The following PCDH15 variants were observed in gnomAD, a reference collection of about 807,000 sequenced individuals.
The protein encoded by PCDH15 is protocadherin-15.
In PCDH15, 129 loss-of-function variants were observed where a neutral mutation model predicts 178.5. The ratio of observed to expected loss-of-function variants is 0.72; its 90% CI spans 0.63 to 0.84. PCDH15 has a LOEUF of 0.84. Among genes scored for constraint, PCDH15 ranks in the 40% least tolerant of loss-of-function variants. The pLI, the probability that PCDH15 is intolerant of heterozygous loss-of-function variation, is 0.00. For missense variants in PCDH15, 2,230 were observed against 2,099.9 expected (o/e 1.06, Z -1.21); for synonymous variants, 800 against 732.0 (o/e 1.09, Z -1.50).
intron 2 of PCDH15, among the ~76,000 whole-genome samples, chr10:55,466,798 C>A (rs552261930): frequency 4.6e-5 from 7 of 152,306 alleles, no homozygotes; most frequent in African/African-American, 1.4e-4. Context: ...CCTTTTTCCA[C>A]TCTTATTCTC....
chr10:55,383,716 T>G (rs1019553254), intron 2 of PCDH15, among the ~76,000 whole-genome samples: 2 of 152,180 alleles, frequency 1.3e-5, no homozygotes, highest in Admixed American at 1.3e-4. Flanking sequence ...TATGTATCTC[T>G]TGTTGCCTTG....
chr10:53,812,010 GA>G (rs1052778423), intron 35 of PCDH15, among the ~76,000 whole-genome samples: 1 of 152,014 alleles, frequency 6.6e-6, no homozygotes, highest in Non-Finnish European at 1.5e-5. Context: ...TTGGCCTTAA[GA>G]AAAATTATAA....
At chr10:54,195,939 C>A in intron 10 of PCDH15, 50 bp from the exon 11 acceptor site, 1 of 1,543,754 alleles carries the variant, frequency 6.5e-7, no homozygotes, top group Non-Finnish European at 8.9e-7. Context: ...GTCGTGCTAT[C>A]TTTTTGGAGT....
intron 26 of PCDH15, among the ~76,000 whole-genome samples, chr10:53,897,592 T>C (rs1210595400): frequency 1.2e-5 from 1 of 85,836 alleles, no homozygotes; most frequent in South Asian, 6.3e-4. Flanking sequence ...TGACATTAAG[T>C]GTATTCACAT....
intron 29 of PCDH15, among the ~76,000 whole-genome samples, chr10:53,834,167 C>T (rs566397283): frequency 6.6e-6 from 1 of 152,040 alleles, no homozygotes; most frequent in Non-Finnish European, 1.5e-5. Flanking sequence ...GGGGAAGGCA[C>T]TTTAGATTAA....
chr10:53,969,980 T>C (rs1184089093), intron 21 of PCDH15, among the ~76,000 whole-genome samples: 2 of 152,142 alleles, frequency 1.3e-5, no homozygotes, highest in African/African-American at 4.8e-5. Flanking sequence ...GCTAAGATCA[T>C]AATGACAGGA....
intron 2 of PCDH15, among the ~76,000 whole-genome samples, chr10:54,561,768 G>C (rs1334488277): frequency 6.6e-6 from 1 of 151,592 alleles, no homozygotes; most frequent in East Asian, 1.9e-4. Flanking sequence ...TCAGTCTTTA[G>C]TCAACAATTC....
At chr10:55,561,877 T>C (rs1166187942) in intron 2 of PCDH15, among the ~76,000 whole-genome samples, 1 of 151,944 alleles carries the variant, frequency 6.6e-6, no homozygotes, top group African/African-American at 2.4e-5. Context: ...CATTTGCTAG[T>C]AATAGAGACT....
intron 1 of PCDH15, among the ~76,000 whole-genome samples, chr10:55,278,036 C>T (rs2132254292): frequency 6.6e-6 from 1 of 152,102 alleles, no homozygotes; most frequent in African/African-American, 2.4e-5. Context: ...TAAAAAAAGC[C>T]TTGTGGTACT....
At chr10:54,309,175 G>A (rs1489120598) in intron 8 of PCDH15, among the ~76,000 whole-genome samples, 1 of 151,946 alleles carries the variant, frequency 6.6e-6, no homozygotes, top group African/African-American at 2.4e-5. Context: ...TTAACAATAT[G>A]CTGGGACAAG....
chr10:54,054,640 TAAATA>T (rs1159543364), intron 18 of PCDH15, among the ~76,000 whole-genome samples: 1 of 152,132 alleles, frequency 6.6e-6, no homozygotes, highest in African/African-American at 2.4e-5. Flanking sequence ...GGGTAGGCCC[TAAATA>T]AATATTGTAA....
chr10:54,972,364 A>T (rs1358295511), intron 2 of PCDH15, among the ~76,000 whole-genome samples: 1 of 151,016 alleles, frequency 6.6e-6, no homozygotes, highest in East Asian at 2.0e-4. Context: ...ACAGGGTGAA[A>T]CCCCATCTCT....
chr10:55,387,395 C>T (rs1269235100), intron 2 of PCDH15, among the ~76,000 whole-genome samples: 2 of 152,008 alleles, frequency 1.3e-5, no homozygotes, highest in Admixed American at 1.3e-4. Context: ...TGAAGTGACA[C>T]AAAATATTTT....
intron 3 of PCDH15, among the ~76,000 whole-genome samples, chr10:54,487,983 TTAGAC>T (rs1487583886): frequency 6.6e-6 from 1 of 151,936 alleles, no homozygotes; most frequent in African/African-American, 2.4e-5. Flanking sequence ...TTTTGACAAA[TTAGAC>T]TAGTTTGATA....
At chr10:54,339,402 G>A (rs1469202161) in intron 6 of PCDH15, among the ~76,000 whole-genome samples, 5 of 152,074 alleles carry the variant, frequency 3.3e-5, no homozygotes, top group Non-Finnish European at 7.4e-5. Flanking sequence ...TAACTGTGAT[G>A]AGTACACTAG....
At chr10:54,212,182 G>A (rs989711701) in intron 10 of PCDH15, among the ~76,000 whole-genome samples, 1 of 152,104 alleles carries the variant, frequency 6.6e-6, no homozygotes, top group Non-Finnish European at 1.5e-5. Flanking sequence ...AGCACCACAA[G>A]AGTCAGGTAG....
chr10:55,096,487 C>T (rs1019968648), intron 2 of PCDH15, among the ~76,000 whole-genome samples: 3 of 152,086 alleles, frequency 2.0e-5, no homozygotes, highest in South Asian at 2.1e-4. Context: ...CTTTTGTGTG[C>T]GTGTTGTAAC....
chr10:55,454,996 A>G (rs1212761472), intron 2 of PCDH15, among the ~76,000 whole-genome samples: 2 of 152,020 alleles, frequency 1.3e-5, no homozygotes, highest in Admixed American at 6.6e-5. Context: ...ATGCATACAT[A>G]TCTTCATCTT....
chr10:55,378,633 T>C (rs1261797635), intron 2 of PCDH15, among the ~76,000 whole-genome samples: 1 of 152,118 alleles, frequency 6.6e-6, no homozygotes, highest in African/African-American at 2.4e-5. Context: ...TATAACCATT[T>C]GTTTCCAGAA....
Sources: allele counts gnomAD v4.1 joint callset (sites outside exome capture counted in the v4.1 genomes callset), GRCh38; gene constraint gnomAD v4.1.1; transcripts MANE v1.5; gene names NCBI Gene and HGNC (gene_info 2026-07-23, HGNC 2026-07-21).